The following MFRP variants were observed in gnomAD, a reference collection of about 807,000 sequenced individuals.
MFRP encodes membrane frizzled-related protein.
Under a neutral mutation model 65.8 loss-of-function variants are expected in MFRP, and 74 were observed. The observed-to-expected ratio is 1.12, with a 90% CI of 0.93 to 1.36. MFRP has a LOEUF of 1.36. Among genes scored for constraint, MFRP ranks in the 40% most tolerant of loss-of-function variants. The pLI, the probability that MFRP is intolerant of heterozygous loss-of-function variation, is 0.00. For missense variants in MFRP, 838 were observed against 736.0 expected, an observed-to-expected ratio of 1.14 and a Z score of -1.60; for synonymous variants, 336 against 288.3, an observed-to-expected ratio of 1.17 and a Z score of -1.68.
At chr11:119,340,658 C>T (rs1360059613) in intron 13 of MFRP, 37 bp downstream of exon 13, 1 of 516,136 alleles carries the variant, frequency 1.9e-6, no homozygotes, top group Admixed American at 3.8e-5. Flanking sequence ...CCCACAGTCC[C>T]CTCCCCAGCC....
intron 13 of MFRP, 91 bp downstream of exon 13, chr11:119,340,604 G>C: frequency 1.7e-6 from 1 of 575,708 alleles, no homozygotes; most frequent in South Asian, 2.1e-5. Context: ...GAGAGGGTGG[G>C]AGCGGCCAGC....
In MFRP at chr11:119,342,674, GC is replaced by G; in HGVS notation, c.1308del (p.Gln437SerfsTer41). ...LSCQAGGCKG[V>X]QWMCDMWRDC... ...TCTCTCCACATGTCACACATCCACT[GC>G]ACACCCTTACACCCTCCTGCCTGGC... On this transcript the variant is annotated frameshift_variant, in exon 11 of 15. Coordinates refer to ENST00000619721, the MANE Select transcript of MFRP (RefSeq NM_031433.4). LOFTEE classifies it high-confidence loss of function. The G allele has an allele frequency of 3.1e-6, 5 of 1,613,682 alleles. No individual in the cohort carries two copies. The highest frequency in any genetic ancestry group is 3.4e-6 in the Non-Finnish European group (4 of 1,179,952).
Position 119,339,786 on chromosome 11 carries a change from C to T in MFRP, c.*1173G>A. 6.6e-7 allele frequency: 1 copy of T among 1,513,084 alleles called. No individual in the cohort carries two copies. Among genetic ancestry groups the T allele is most frequent in the South Asian group, 1.3e-5 (1 of 79,974 alleles). 93.7% of individuals were successfully genotyped at this position (1,513,084 alleles called of 1,614,324 possible). On this transcript the variant is annotated 3_prime_UTR_variant, in exon 15 of 15. Transcript: ENST00000619721. The surrounding 1 kb of genome is among the most constrained non-coding windows in gnomAD (Gnocchi z 5.4). ...GGCACCGAGCACTCCCCGGCAGGCC[C>T]GGTGGGCCCCGCGGGTCCCGCCTCT...
intron 9 of MFRP, 125 bp downstream of exon 9, chr11:119,343,691 A>C: frequency 2.5e-6 from 3 of 1,207,156 alleles, no homozygotes; most frequent in East Asian, 4.7e-5. Flanking sequence ...TGGTGAAGAG[A>C]CCCCCGGCCT....
Position 119,346,385 on chromosome 11 carries a change from G to A in MFRP, c.55-11C>T, listed in dbSNP as rs548141330. On this transcript the variant is annotated splice_polypyrimidine_tract_variant and intron_variant, in intron 1 of 14. Coordinates refer to ENST00000619721, the MANE Select transcript of MFRP (RefSeq NM_031433.4). The stretch of plus-strand genomic sequence containing the variant: ...ATTGCAGAACTCGGTCTGGAAGGGG[G>A]AGATACTTGAGGGCTGAGGGCAGCA... The A allele has an allele frequency of 1.9e-6, 3 of 1,613,246 alleles. No homozygotes were observed. The highest frequency in any genetic ancestry group is 3.3e-5 in the Admixed American group (2 of 59,958).
rs1031316533 is a variant in MFRP at position 119,346,053 on chromosome 11, G to A, written c.264C>T (p.Ile88=). ...LLLLGLLVAI[I]LAQLQAAPPS... ...CTGTCCCCGGGTACTTACGGGCCAG[G>A]ATGATGGCCACCAGCAGCCCAAGCA... Residue 88 remains isoleucine (I), a synonymous_variant, in exon 3 of 15, where the codon ATC becomes ATT. Coordinates refer to ENST00000619721, the MANE Select transcript of MFRP (RefSeq NM_031433.4). 5.0e-6 allele frequency: 8 copies of A among 1,610,864 alleles called. No individual in the cohort carries two copies. The African/African-American group carries it at 9.4e-5, about 19-fold the overall frequency.
rs1036542163 is a variant in MFRP, at chr11:119,341,710, G to A, written c.1578C>T (p.Pro526=). ...FRRLLCGLLV[P]RCTPLGSVLP... ...GAACACTGCCTAGTGGGGTGCAACG[G>A]GGCACAAGCAGCCCACACAGGAGCC... Residue 526 remains proline, a synonymous_variant, in exon 13 of 15, where the codon CCC becomes CCT. Transcript: ENST00000619721. 3.1e-6 allele frequency: 5 copies of A among 1,613,068 alleles called. No homozygotes were observed. Among genetic ancestry groups the A allele is most frequent in the Non-Finnish European group, 4.2e-6 (5 of 1,180,028 alleles).
At position 119,339,185 on chromosome 11, in the gene MFRP, T is replaced by C. The variant is rs1235980313; in HGVS notation, c.*1774A>G. On this transcript the variant is annotated 3_prime_UTR_variant, in exon 15 of 15. Transcript: ENST00000619721. The surrounding 1 kb of genome is among the most constrained non-coding windows in gnomAD (Gnocchi z 5.4). ...GCAGACAGCCACTGTTCCCATTCCT[T>C]GCCAGCAGCAGGACGGAGAGTGCTC... is the stretch of plus-strand genomic sequence containing the variant. The C allele has an allele frequency of 2.2e-6, 2 of 898,880 alleles. No individual in the cohort carries two copies. The highest frequency in any genetic ancestry group is 3.3e-6 in the Non-Finnish European group (2 of 603,552). The allele number at this position is 898,880 out of a possible 1,614,324, so 55.7% of individuals were successfully genotyped here. A position where few individuals can be genotyped will look rare whatever the true frequency, so the allele number is the denominator to read the frequency against.
Position 119,339,774 on chromosome 11 carries a change from C to A in MFRP, c.*1185G>T. On this transcript the variant is annotated 3_prime_UTR_variant, in exon 15 of 15. Coordinates refer to ENST00000619721, the MANE Select transcript of MFRP (RefSeq NM_031433.4). This position sits in a 1 kb window ranked among gnomAD's most constrained non-coding sequence, Gnocchi z 5.4. ...GCGGATCGCGGAGGCACCGAGCACT[C>A]CCCGGCAGGCCCGGTGGGCCCCGCG... The A allele has an allele frequency of 6.5e-7, 1 of 1,548,610 alleles. No individual in the cohort carries two copies. Among genetic ancestry groups the A allele is most frequent in the Non-Finnish European group, 8.7e-7 (1 of 1,154,220 alleles).
chr11:119,341,963 T>A lies in MFRP; in HGVS notation c.1409A>T (p.Gln470Leu), dbSNP rs764992842. ...GCTCAGACCGAGGCACATCTCCACC[T>A]GGACAGGCTCACAGGCCAGCTCTGC... Reference protein sequence around the residue: ...PPPELACEPVQVEMCLGLSYN... With the variant: ...PPPELACEPVLVEMCLGLSYN... Residue 470 changes from glutamine to leucine, a missense_variant, in exon 12 of 15, where the codon CAG (glutamine) becomes CTG (leucine). By Grantham distance (113) the Gln-to-Leu change is moderately radical (BLOSUM62 -2). Coordinates refer to ENST00000619721, the MANE Select transcript of MFRP (RefSeq NM_031433.4). 9 of 1,613,682 alleles carry A rather than the reference T, an allele frequency of 5.6e-6. No individual in the cohort carries two copies. The South Asian group carries it at 9.9e-5, about 18-fold the overall frequency.
At chr11:119,345,393 G>A (rs780636882) in intron 5 of MFRP, 27 bp downstream of exon 5, 1 of 1,598,568 alleles carries the variant, frequency 6.3e-7, no homozygotes, top group Non-Finnish European at 8.6e-7. Context: ...GGACACGGTG[G>A]GATGTCCTGG....
intron 10 of MFRP, 22 bp downstream of exon 10, chr11:119,342,851 C>A (rs775475230): frequency 1.2e-6 from 2 of 1,613,094 alleles, no homozygotes; most frequent in South Asian, 2.2e-5. Flanking sequence ...CTGCCCCCAC[C>A]CACTTGCCCA....
Position 119,344,765 on chromosome 11 carries a change from T to C in MFRP, c.773-8A>G, listed in dbSNP as rs143891457. ...CATCATGGGCACAGCTCCCTGGATG[T>C]GGGCACCAGGAGTCAGGGAGGCCCG... On this transcript the variant is annotated splice_region_variant and splice_polypyrimidine_tract_variant and intron_variant, in intron 6 of 14. Transcript: ENST00000619721. 6.2e-7 allele frequency: 1 copy of C among 1,613,906 alleles called. No individual in the cohort carries two copies. The highest frequency in any genetic ancestry group is 8.5e-7 in the Non-Finnish European group (1 of 1,180,006).
rs1260529385 is a variant in MFRP, at chr11:119,340,576, G to T, written c.*853+119C>A. 6 of 644,858 alleles carry T rather than the reference G, an allele frequency of 9.3e-6. No homozygotes were observed. In the East Asian group the frequency reaches 1.9e-4, roughly 20 times the overall value. 39.9% of individuals were successfully genotyped at this position (644,858 alleles called of 1,614,324 possible). ...GAGCGCTCGCAGGGCCGAGCATCCG[G>T]AGAGCACAGGCAGGCGCGAGAGGGT... On this transcript the variant is annotated intron_variant, in intron 13 of 14. Transcript: ENST00000619721.
chr11:119,340,062 G>T, intron 14 of MFRP, 122 bp downstream of exon 14: 2 of 1,317,110 alleles, frequency 1.5e-6, no homozygotes, highest in Non-Finnish European at 2.0e-6. Context: ...CCCGCTCAGG[G>T]CTGCAAAGCG....
chr11:119,344,014 T>C (rs774529645), intron 8 of MFRP, 50 bp from the exon 9 acceptor site: 7 of 1,606,674 alleles, frequency 4.4e-6, no homozygotes, highest in Admixed American at 1.7e-5. Context: ...TCCTGTCTCA[T>C]CCCGGGCACC....
chr11:119,345,331 G>A lies in MFRP; in HGVS notation c.641+89C>T, dbSNP rs951872466. On this transcript the variant is annotated intron_variant, in intron 5 of 14. Transcript: ENST00000619721. Reference sequence around the variant, plus strand: ...GTCTAGTCTCTCAATTTCTTCCTCGGTTAGCCCTTCTCCCTGCCACTCCCT... The same window carrying A: ...GTCTAGTCTCTCAATTTCTTCCTCGATTAGCCCTTCTCCCTGCCACTCCCT... 33 of 1,359,670 alleles carry A rather than the reference G, an allele frequency of 2.4e-5. No individual in the cohort carries two copies. In the African/African-American group the frequency reaches 4.4e-4, roughly 18 times the overall value. 84.2% of individuals were successfully genotyped at this position (1,359,670 alleles called of 1,614,324 possible).
chr11:119,342,119 A>C, intron 11 of MFRP, 135 bp from the exon 12 acceptor site: 2 of 1,061,250 alleles, frequency 1.9e-6, no homozygotes, highest in Non-Finnish European at 1.4e-6. Flanking sequence ...GAGGATAACA[A>C]AGAGACAGGC....
rs1402876313 is a variant in MFRP, at chr11:119,339,604, G to A, written c.*1355C>T. ...CCCGGTAGACGGTGGCATGGACGGC[G>A]AAGTAGTAGACCCCAGGCACCTGGC... On this transcript the variant is annotated 3_prime_UTR_variant, in exon 15 of 15. Coordinates refer to ENST00000619721, the MANE Select transcript of MFRP (RefSeq NM_031433.4). The surrounding 1 kb of genome is among the most constrained non-coding windows in gnomAD (Gnocchi z 5.4). 2 of 1,613,126 alleles carry A rather than the reference G, an allele frequency of 1.2e-6. No homozygotes were observed. The highest frequency in any genetic ancestry group is 4.5e-5 in the East Asian group (2 of 44,888).
Sources: allele counts gnomAD v4.1 joint callset, GRCh38; gene constraint gnomAD v4.1.1; non-coding constraint Gnocchi (gnomAD v3.1); transcripts MANE v1.5; gene names NCBI Gene and HGNC (gene_info 2026-07-23, HGNC 2026-07-21).